Variants in RELCH observed in about 807,000 individuals in gnomAD.
RELCH encodes RAB11 binding and LisH domain, coiled-coil and HEAT repeat containing, also known as RAB11-binding protein RELCH.
In RELCH, 41 loss-of-function variants were observed where a neutral mutation model predicts 150.3. The ratio of observed to expected loss-of-function variants is 0.27; its 90% confidence interval spans 0.21 to 0.35. The LOEUF (loss-of-function observed/expected upper bound fraction) is 0.35. Ranked by LOEUF, RELCH falls within the 10% of genes least tolerant of loss-of-function variation. The probability of loss-of-function intolerance (pLI) is 1.00; values close to 1 mark genes in which losing one functional copy is unlikely to be tolerated. For missense variants in RELCH, 1,092 were observed against 1,467.8 expected, an observed-to-expected ratio of 0.74 and a Z score of 4.18; for synonymous variants, 478 against 531.8, an observed-to-expected ratio of 0.90 and a Z score of 1.39.
chr18:62,251,168 G>A (rs780329976), intron 11 of RELCH, among the ~76,000 whole-genome samples: 13 of 152,156 alleles, frequency 8.5e-5, no homozygotes, highest in Non-Finnish European at 1.6e-4. Context: ...GAAGAAAGTG[G>A]TTTAAAACAT....
At chr18:62,198,088 A>C (rs1330524023) in intron 1 of RELCH, among the ~76,000 whole-genome samples, 1 of 152,244 alleles carries the variant, frequency 6.6e-6, no homozygotes, top group African/African-American at 2.4e-5. Context: ...ACTAAGTCAC[A>C]GATGAATAAT....
In RELCH at chr18:62,250,195, C is replaced by A. The variant is rs1235682020; in HGVS notation, c.1734-2469C>A. Reference sequence around the variant, plus strand: ...CTGTATTTCAAAGCCGTCATATTTTCTAAAATTTTCAATATTAACTCTTCT... The same window carrying A: ...CTGTATTTCAAAGCCGTCATATTTTATAAAATTTTCAATATTAACTCTTCT... On this transcript the variant is annotated intron_variant, in intron 11 of 28. Transcript: ENST00000644646. 2.6e-5 allele frequency among the ~76,000 whole-genome samples: 4 copies of A among 152,196 alleles called. No individual in the cohort carries two copies. The East Asian group carries it at 7.7e-4, about 29-fold the overall frequency.
intron 9 of RELCH, among the ~76,000 whole-genome samples, chr18:62,231,840 A>G (rs2041599861): frequency 6.6e-6 from 1 of 152,028 alleles, no homozygotes. Flanking sequence ...CATTGAGAAT[A>G]TCACAGAGCT....
At chr18:62,188,561 A>G (rs1031163584) in intron 1 of RELCH, among the ~76,000 whole-genome samples, 1 of 152,162 alleles carries the variant, frequency 6.6e-6, no homozygotes, top group Admixed American at 6.5e-5. Flanking sequence ...GCTGCACAAA[A>G]TTTGTTCTGT....
intron 1 of RELCH, among the ~76,000 whole-genome samples, chr18:62,208,889 A>T (rs1004000094): frequency 1.4e-4 from 21 of 152,154 alleles, no homozygotes; most frequent in African/African-American, 5.1e-4. Flanking sequence ...GTTGAGCTAA[A>T]TGGTCTAAAA....
chr18:62,190,465 T>C (rs921906287), intron 1 of RELCH, among the ~76,000 whole-genome samples: 1 of 151,980 alleles, frequency 6.6e-6, no homozygotes, highest in African/African-American at 2.4e-5. Flanking sequence ...TAATCCCAGC[T>C]ACACGGGAGA....
At chr18:62,304,895 A>G (rs935866040) in intron 28 of RELCH, among the ~76,000 whole-genome samples, 1 of 152,238 alleles carries the variant, frequency 6.6e-6, no homozygotes, top group African/African-American at 2.4e-5. Flanking sequence ...GGAATATACC[A>G]TAGGATTATT....
At chr18:62,280,588 T>C in intron 23 of RELCH, 58 bp from the exon 24 acceptor site, 6 of 1,375,740 alleles carry the variant, frequency 4.4e-6, no homozygotes, top group East Asian at 2.3e-5. Flanking sequence ...ATATACATTT[T>C]AATAATACTC....
chr18:62,268,834 A>T (rs2043730670), intron 19 of RELCH, 35 bp from the exon 20 acceptor site: 2 of 1,100,294 alleles, frequency 1.8e-6, no homozygotes, highest in Non-Finnish European at 2.6e-6. Context: ...CTTAAAATAT[A>T]CTTATGTTTT....
intron 5 of RELCH, among the ~76,000 whole-genome samples, chr18:62,225,434 A>G (rs2041151830): frequency 6.6e-6 from 1 of 152,088 alleles, no homozygotes; most frequent in Admixed American, 6.6e-5. Flanking sequence ...CAAGTAACAT[A>G]TCTAATAAAG....
intron 1 of RELCH, among the ~76,000 whole-genome samples, chr18:62,198,453 A>G (rs928567543): frequency 6.6e-6 from 1 of 152,204 alleles, no homozygotes; most frequent in Admixed American, 6.5e-5. Flanking sequence ...TATTATGTCA[A>G]AAATCCTCAG....
At chr18:62,188,073 G>A in intron 1 of RELCH, 42 bp downstream of exon 1, 1 of 1,498,108 alleles carries the variant, frequency 6.7e-7, no homozygotes, top group Non-Finnish European at 8.9e-7. Flanking sequence ...GGGTATTTGG[G>A]ATTGTACGGA....
intron 8 of RELCH, among the ~76,000 whole-genome samples, 158 bp downstream of exon 8, chr18:62,228,756 CA>C (rs201616239): frequency 0.023 from 3,529 of 152,026 alleles, 43 homozygotes; most frequent in Middle Eastern, 0.082. Flanking sequence ...GTAGTTGTCA[CA>C]AAAAAGTCAC....
chr18:62,261,088 A>G (rs1215986959), intron 15 of RELCH, among the ~76,000 whole-genome samples: 4 of 152,048 alleles, frequency 2.6e-5, no homozygotes, highest in African/African-American at 9.7e-5. Flanking sequence ...GAGGTGATGC[A>G]TATCTCAATA....
In RELCH at chr18:62,307,549, A is replaced by G. The variant is rs566538732; in HGVS notation, c.*2015A>G. 1 of 152,038 alleles carries G rather than the reference A, an allele frequency of 6.6e-6. No individual in the cohort carries two copies. The highest frequency in any genetic ancestry group is 1.5e-5 in the Non-Finnish European group (1 of 67,972). 9.4% of individuals were successfully genotyped at this position (152,038 alleles called of 1,614,324 possible). A position where few individuals can be genotyped will look rare whatever the true frequency, so the allele number is the denominator to read the frequency against. ...TATTTTAATATCATTAAGATTTCAC[A>G]TTGTGGTTTTGTTTTTTGTTTGTTT... On this transcript the variant is annotated 3_prime_UTR_variant, in exon 29 of 29. Transcript: ENST00000644646.
chr18:62,293,818 T>C (rs2045275428), intron 27 of RELCH, among the ~76,000 whole-genome samples: 1 of 152,136 alleles, frequency 6.6e-6, no homozygotes, highest in African/African-American at 2.4e-5. Context: ...CCTAATCATG[T>C]CCCTCTCATG....
chr18:62,234,105 C>T (rs2041745167), intron 10 of RELCH, among the ~76,000 whole-genome samples: 1 of 151,698 alleles, frequency 6.6e-6, no homozygotes, highest in Non-Finnish European at 1.5e-5. Flanking sequence ...AATTGTATTT[C>T]CTCAAAATTA....
intron 7 of RELCH, 120 bp downstream of exon 7, chr18:62,227,809 C>G: frequency 8.0e-6 from 4 of 498,152 alleles, no homozygotes; most frequent in Non-Finnish European, 1.4e-5. Flanking sequence ...CATTTTAATA[C>G]TTCTGAAAGA....
At position 62,280,758 on chromosome 18, in the gene RELCH, A is replaced by C. The variant is rs750215961; in HGVS notation, c.3114+49A>C. On this transcript the variant is annotated intron_variant, in intron 24 of 28. Transcript: ENST00000644646. ...ATGTCTGTGTAATATTGATGTGGTC[A>C]TGATACATGTATCTGGTGGTAGGCT... 4.9e-6 allele frequency: 6 copies of C among 1,212,504 alleles called. No individual in the cohort carries two copies. In the East Asian group the frequency reaches 1.2e-4, roughly 24 times the overall value. 75.1% of individuals were successfully genotyped at this position (1,212,504 alleles called of 1,614,324 possible).
Sources: allele counts gnomAD v4.1 joint callset (sites outside exome capture counted in the v4.1 genomes callset), GRCh38; gene constraint gnomAD v4.1.1; transcripts MANE v1.5; gene names NCBI Gene and HGNC (gene_info 2026-07-23, HGNC 2026-07-21).